The following PTPN3 variants were observed in gnomAD, a reference collection of about 807,000 sequenced individuals.
PTPN3 encodes the protein tyrosine-protein phosphatase non-receptor type 3.
PTPN3 carries 96 observed loss-of-function variants against 132.7 expected under a neutral mutation model. That is an observed-to-expected ratio of 0.72 (90% CI 0.61 to 0.86). The LOEUF is 0.86. PTPN3 is among the 40% of genes least tolerant of loss of function. The probability of loss-of-function intolerance (pLI) is 0.00; values close to 1 mark genes in which losing one functional copy is unlikely to be tolerated. For synonymous variants in PTPN3, 398 were observed against 429.0 expected, an observed-to-expected ratio of 0.93 and a Z score of 0.89; for missense variants, 1,125 against 1,159.6, an observed-to-expected ratio of 0.97 and a Z score of 0.43.
chr9:109,449,500 A>C lies in PTPN3; in HGVS notation c.369-645T>G, dbSNP rs1845100016. The C allele has an allele frequency of 3.0e-6, 3 of 985,530 alleles. No individual in the cohort carries two copies. In the African/African-American group the frequency reaches 5.2e-5, roughly 17 times the overall value. 61.0% of individuals were successfully genotyped at this position (985,530 alleles called of 1,614,324 possible). A position where few individuals can be genotyped will look rare whatever the true frequency, so the allele number is the denominator to read the frequency against. ...CCAGCAAATGTAACTTCCAAACTCCAGACCTGTTTTGTGGGCAAGTCGTGG... is the reference window on the plus strand; with the variant it reads ...CCAGCAAATGTAACTTCCAAACTCCCGACCTGTTTTGTGGGCAAGTCGTGG... On this transcript the variant is annotated intron_variant, in intron 5 of 25. Coordinates refer to ENST00000374541, the MANE Select transcript of PTPN3 (RefSeq NM_002829.4).
At chr9:109,432,322 T>C (rs933740937) in intron 10 of PTPN3, among the ~76,000 whole-genome samples, 1 of 152,036 alleles carries the variant, frequency 6.6e-6, no homozygotes, top group Non-Finnish European at 1.5e-5. Flanking sequence ...CTAACTTCCT[T>C]CCTTGCTGCC....
chr9:109,430,520 T>A (rs1843581183), intron 10 of PTPN3, among the ~76,000 whole-genome samples: 1 of 150,720 alleles, frequency 6.6e-6, no homozygotes, highest in Non-Finnish European at 1.5e-5. Context: ...CGGGGCTCCC[T>A]ACTGCCCTTC....
chr9:109,415,142 T>C (rs570409348), intron 14 of PTPN3, among the ~76,000 whole-genome samples: 2 of 151,510 alleles, frequency 1.3e-5, no homozygotes, highest in East Asian at 3.9e-4. Flanking sequence ...AGTCACTGAA[T>C]GTCTATTAAA....
upstream of PTPN3, among the ~76,000 whole-genome samples, chr9:109,502,468 A>G (rs928930614): frequency 6.6e-6 from 1 of 152,192 alleles, no homozygotes; most frequent in Non-Finnish European, 1.5e-5. Context: ...TAAAATACAC[A>G]TGGTATGGTA....
intron 1 of PTPN3, among the ~76,000 whole-genome samples, chr9:109,467,168 CAA>C (rs1846139291): frequency 6.6e-6 from 1 of 152,120 alleles, no homozygotes. Flanking sequence ...AAAAAGTTAT[CAA>C]AAGACAACAA....
At chr9:109,526,579 G>A in the PTPN3 span, among the ~76,000 whole-genome samples, 2 of 152,110 alleles carry the variant, frequency 1.3e-5, no homozygotes, top group African/African-American at 4.8e-5. Context: ...GGAGGCTGAG[G>A]CAGGAGGATC....
chr9:109,464,292 A>C (rs1310180197), intron 1 of PTPN3, among the ~76,000 whole-genome samples: 1 of 152,234 alleles, frequency 6.6e-6, no homozygotes, highest in Non-Finnish European at 1.5e-5. Flanking sequence ...CATTCCCAGC[A>C]GAAAAATGTA....
the PTPN3 span, among the ~76,000 whole-genome samples, chr9:109,517,806 T>C: frequency 2.0e-4 from 30 of 152,342 alleles, no homozygotes; most frequent in African/African-American, 6.5e-4. Context: ...TTCTGTGGCC[T>C]GGACCATCTG....
intron 14 of PTPN3, among the ~76,000 whole-genome samples, chr9:109,419,730 C>T (rs551584775): frequency 6.6e-6 from 1 of 152,242 alleles, no homozygotes; most frequent in African/African-American, 2.4e-5. Context: ...GTTCTGAACT[C>T]CCTGGTAACC....
chr9:109,515,680 C>T, the PTPN3 span, among the ~76,000 whole-genome samples: 2 of 152,176 alleles, frequency 1.3e-5, no homozygotes, highest in African/African-American at 2.4e-5. Context: ...AGGAAGGCTT[C>T]ACTTATGGCA....
At chr9:109,503,353 C>T in the PTPN3 span, among the ~76,000 whole-genome samples, 13 of 152,108 alleles carry the variant, frequency 8.5e-5, no homozygotes, top group Non-Finnish European at 1.5e-4. Flanking sequence ...CTCCTGGACT[C>T]GATGAATCTC....
chr9:109,442,832 G>T (rs180937950), intron 7 of PTPN3, among the ~76,000 whole-genome samples: 1 of 152,088 alleles, frequency 6.6e-6, no homozygotes, highest in African/African-American at 2.4e-5. Context: ...GCTCAAAGTC[G>T]GGCAGGTACA....
At position 109,422,705 on chromosome 9, in the gene PTPN3, AAG is replaced by A; in HGVS notation, c.1136+11_1136+12del. 6.3e-7 allele frequency: 1 copy of A among 1,580,230 alleles called. No homozygotes were observed. The highest frequency in any genetic ancestry group is 8.6e-7 in the Non-Finnish European group (1 of 1,166,716). ...TGTTGGGTAGTACAAAAAAAAAAAAAAGGAGGACATACCAGTTGGGAGTAATG... is the reference window on the plus strand; with the variant it reads ...TGTTGGGTAGTACAAAAAAAAAAAAAGAGGACATACCAGTTGGGAGTAATG... On this transcript the variant is annotated intron_variant, in intron 13 of 25. Coordinates refer to ENST00000374541, the MANE Select transcript of PTPN3 (RefSeq NM_002829.4).
intron 1 of PTPN3, among the ~76,000 whole-genome samples, chr9:109,466,425 C>G (rs1269973728): frequency 3.3e-5 from 5 of 152,096 alleles, no homozygotes; most frequent in African/African-American, 1.2e-4. Flanking sequence ...ACTGTTTGAG[C>G]CCAGGCATTA....
chr9:109,460,019 C>T (rs1265192079), intron 2 of PTPN3, among the ~76,000 whole-genome samples: 1 of 152,076 alleles, frequency 6.6e-6, no homozygotes, highest in East Asian at 1.9e-4. Flanking sequence ...CATCCCCTAA[C>T]CTCCTGACTC....
At chr9:109,382,677 G>GT (rs1255025774) in intron 23 of PTPN3, among the ~76,000 whole-genome samples, 1 of 151,262 alleles carries the variant, frequency 6.6e-6, no homozygotes, top group Non-Finnish European at 1.5e-5. Flanking sequence ...CTTCTGCCCA[G>GT]TGATCTCCTC....
At chr9:109,433,357 T>C (rs2131908110) in intron 9 of PTPN3, among the ~76,000 whole-genome samples, 196 bp from the exon 10 acceptor site, 1 of 152,310 alleles carries the variant, frequency 6.6e-6, no homozygotes, top group Middle Eastern at 3.4e-3. Flanking sequence ...TCTTCTAAAG[T>C]GAACACAGCC....
the PTPN3 span, among the ~76,000 whole-genome samples, chr9:109,534,803 A>AAAAC: frequency 0.31 from 46,990 of 150,502 alleles, 7,844 homozygotes; most frequent in East Asian, 0.53. Context: ...ACTCCGTCTC[A>AAAAC]AAACAAACAA....
At chr9:109,504,706 C>G in the PTPN3 span, among the ~76,000 whole-genome samples, 19,426 of 152,184 alleles carry the variant, frequency 0.13, 1,478 homozygotes, top group Middle Eastern at 0.25. Context: ...GACCTGTGAA[C>G]CACCATGTGG....
Sources: gnomAD v4.1 joint callset for allele counts (sites outside exome capture counted in the v4.1 genomes callset) on GRCh38, gnomAD v4.1.1 for gene constraint, MANE v1.5 for transcripts, NCBI Gene and HGNC (gene_info 2026-07-23, HGNC 2026-07-21) for gene names.